Variants in CCNY observed in about 807,000 individuals in gnomAD.
CCNY encodes the protein cyclin-Y.
CCNY carries 19 observed loss-of-function variants against 42.8 expected under a neutral mutation model. The ratio of observed to expected loss-of-function variants is 0.44; its 90% CI spans 0.31 to 0.65. CCNY has a LOEUF of 0.65. Among genes scored for constraint, CCNY ranks in the 30% least tolerant of loss-of-function variants. CCNY has a pLI of 0.07. For missense variants in CCNY, 370 were observed against 437.3 expected (o/e 0.85, Z 1.37); for synonymous variants, 165 against 162.7 (o/e 1.01, Z -0.11).
chr10:35,505,934 C>T (rs1840205728), intron 3 of CCNY, among the ~76,000 whole-genome samples: 1 of 152,172 alleles, frequency 6.6e-6, no homozygotes, highest in Admixed American at 6.5e-5. Context: ...AAATCAGTTT[C>T]TGCCTTTTAG....
chr10:35,392,531 G>T (rs947496780), intron 1 of CCNY, among the ~76,000 whole-genome samples: 2 of 152,264 alleles, frequency 1.3e-5, no homozygotes, highest in African/African-American at 4.8e-5. Flanking sequence ...AGAGGCATTG[G>T]AATTAGAACC....
At chr10:35,503,205 A>G (rs1181464231) in intron 3 of CCNY, among the ~76,000 whole-genome samples, 2 of 152,138 alleles carry the variant, frequency 1.3e-5, no homozygotes, top group Non-Finnish European at 2.9e-5. Flanking sequence ...TTAGTATGGG[A>G]GGCCATGCAT....
At chr10:35,529,728 G>A (rs1413597769) in intron 5 of CCNY, among the ~76,000 whole-genome samples, 1 of 151,870 alleles carries the variant, frequency 6.6e-6, no homozygotes, top group Admixed American at 6.6e-5. Flanking sequence ...AAATTAGCCG[G>A]GTGTGGTGTT....
chr10:35,483,006 C>T (rs1180890427), intron 1 of CCNY, among the ~76,000 whole-genome samples: 1 of 152,056 alleles, frequency 6.6e-6, no homozygotes, highest in Non-Finnish European at 1.5e-5. Context: ...TTGAGATATT[C>T]CTATTTTAAT....
intron 1 of CCNY, among the ~76,000 whole-genome samples, chr10:35,364,239 C>T (rs1470654177): frequency 6.6e-6 from 1 of 151,902 alleles, no homozygotes; most frequent in African/African-American, 2.4e-5. Context: ...CCCTTTCACC[C>T]GTAATTCACC....
At chr10:35,560,029 T>C (rs1191159630) in intron 8 of CCNY, among the ~76,000 whole-genome samples, 1 of 152,212 alleles carries the variant, frequency 6.6e-6, no homozygotes, top group Non-Finnish European at 1.5e-5. Flanking sequence ...CTGTCCTATG[T>C]CTGTCCTATG....
intron 3 of CCNY, among the ~76,000 whole-genome samples, chr10:35,328,625 C>T (rs192801601): frequency 6.6e-6 from 1 of 152,260 alleles, no homozygotes; most frequent in Admixed American, 6.5e-5. Context: ...GAACCAACTA[C>T]AACTTCGTGT....
At chr10:35,470,980 A>C (rs1477551315) in intron 1 of CCNY, among the ~76,000 whole-genome samples, 2 of 152,250 alleles carry the variant, frequency 1.3e-5, no homozygotes, top group African/African-American at 2.4e-5. Flanking sequence ...TGAGATTTTA[A>C]CCATATCAAA....
intron 1 of CCNY, among the ~76,000 whole-genome samples, chr10:35,422,694 T>C (rs780049176): frequency 6.6e-6 from 1 of 152,224 alleles, no homozygotes; most frequent in Admixed American, 6.5e-5. Flanking sequence ...CATTAGAGAT[T>C]TATTTATTTA....
At chr10:35,539,582 A>T (rs1367268445) in intron 7 of CCNY, among the ~76,000 whole-genome samples, 1 of 152,064 alleles carries the variant, frequency 6.6e-6, no homozygotes, top group South Asian at 2.1e-4. Flanking sequence ...AGGTCAAGAG[A>T]TCGAGACCAT....
chr10:35,537,062 T>C (rs193192414), intron 7 of CCNY, among the ~76,000 whole-genome samples: 1 of 152,276 alleles, frequency 6.6e-6, no homozygotes, highest in East Asian at 1.9e-4. Context: ...TCCTGTGCTA[T>C]GTGCAGTCTA....
At chr10:35,260,515 A>G (rs1273911827) in intron 3 of CCNY, among the ~76,000 whole-genome samples, 1 of 152,226 alleles carries the variant, frequency 6.6e-6, no homozygotes, top group African/African-American at 2.4e-5. Context: ...TTGGCAAACT[A>G]AGATATGGGT....
chr10:35,468,333 A>T (rs1839313119), intron 1 of CCNY, among the ~76,000 whole-genome samples: 1 of 152,130 alleles, frequency 6.6e-6, no homozygotes, highest in African/African-American at 2.4e-5. Context: ...GGGAGCTAGG[A>T]TTTAACGTAT....
At chr10:35,283,215 T>C (rs922941593) in intron 3 of CCNY, among the ~76,000 whole-genome samples, 2 of 152,148 alleles carry the variant, frequency 1.3e-5, no homozygotes, top group African/African-American at 4.8e-5. Flanking sequence ...ATCCTCTACT[T>C]AAGTGAATCG....
chr10:35,337,185 C>A lies in CCNY; in HGVS notation c.132C>A (p.Ile44=). The A allele has an allele frequency of 6.4e-7, 1 of 1,565,386 alleles. No homozygotes were observed. The highest frequency in any genetic ancestry group is 2.5e-5 in the East Asian group (1 of 40,452). ...REDTGCNLQH[I]SDRENIDDLN... ...ACACGGGCTGCAACCTGCAGCACAT[C>A]AGCGACCGGGAGAACATAGACGGTG... is the stretch of plus-strand genomic sequence containing the variant. Residue 44 remains isoleucine (I), a synonymous_variant, in exon 1 of 10, where the codon ATC becomes ATA. Transcript: ENST00000374704.
At chr10:35,399,187 A>T (rs1427622510) in intron 1 of CCNY, among the ~76,000 whole-genome samples, 2 of 152,202 alleles carry the variant, frequency 1.3e-5, no homozygotes, top group Non-Finnish European at 2.9e-5. Flanking sequence ...CGGTAAGACA[A>T]CTAAGGGCAC....
intron 1 of CCNY, among the ~76,000 whole-genome samples, chr10:35,378,702 T>C (rs1837109701): frequency 6.6e-6 from 1 of 152,146 alleles, no homozygotes; most frequent in African/African-American, 2.4e-5. Context: ...TGCAGAGTGC[T>C]GTTCCACATC....
chr10:35,566,095 G>A lies in CCNY; in HGVS notation c.819G>A (p.Lys273=). The A allele has an allele frequency of 2.5e-6, 4 of 1,614,232 alleles. No homozygotes were observed. The highest frequency in any genetic ancestry group is 3.4e-6 in the Non-Finnish European group (4 of 1,180,034). Residue 273 remains lysine (K), a synonymous_variant, in exon 9 of 10, where the codon AAG becomes AAA. Transcript: ENST00000374704. ...ATGTTCCTTCCAGTGTCTATGCCAA[G>A]TATTATTTTGATCTTCGTTCTCTGG... ...NINVPSSVYA[K]YYFDLRSLAE...
At chr10:35,410,430 G>A (rs947294028) in intron 1 of CCNY, among the ~76,000 whole-genome samples, 93 of 152,102 alleles carry the variant, frequency 6.1e-4, no homozygotes, top group Middle Eastern at 3.4e-3. Context: ...GACGCTAAGA[G>A]AACTAACACA....
Sources: gnomAD v4.1 joint callset for allele counts (sites outside exome capture counted in the v4.1 genomes callset) on GRCh38, gnomAD v4.1.1 for gene constraint, MANE v1.5 for transcripts, NCBI Gene and HGNC (gene_info 2026-07-23, HGNC 2026-07-21) for gene names.